GPATCH11: variants seen among roughly 807,000 people sequenced by gnomAD.
GPATCH11 encodes the protein G-patch domain containing 11, also known as G patch domain-containing protein 11.
In GPATCH11, 32 loss-of-function variants were observed where a neutral mutation model predicts 44.8. The observed-to-expected ratio is 0.71, with a 90% CI of 0.54 to 0.96. The LOEUF (loss-of-function observed/expected upper bound fraction) is 0.96, where lower values mean the gene tolerates loss of function less well. Among genes scored for constraint, GPATCH11 ranks in the 40% least tolerant of loss-of-function variants. The pLI, the probability that GPATCH11 is intolerant of heterozygous loss-of-function variation, is 0.00. For missense variants in GPATCH11, 324 were observed against 303.1 expected (o/e 1.07, Z -0.51); for synonymous variants, 84 against 94.4 (o/e 0.89, Z 0.64).
At chr2:37,095,566 A>G (rs570545186) in intron 8 of GPATCH11, 48 bp downstream of exon 8, 2 of 1,493,524 alleles carry the variant, frequency 1.3e-6, no homozygotes, top group East Asian at 2.5e-5. Context: ...ATGCTCTCCA[A>G]TTTTTAGTTA....
rs1367901231 is a variant in GPATCH11 at position 37,089,796 on chromosome 2, C to G, written c.216C>G (p.Gly72=). ...RRDIGLKNAL[G]CENKGFALLQ... is the part of the protein sequence containing the mutation. ...ACATTGGGTTGAAGAATGCACTAGG[C>G]TGTGAAAACAAAGGGTTTGCCTTGC... is the stretch of plus-strand genomic sequence containing the variant. Residue 72 remains glycine, a synonymous_variant, in exon 3 of 9, where the codon GGC becomes GGG. Coordinates refer to ENST00000674370, the MANE Select transcript of GPATCH11 (RefSeq NM_174931.4). 1.6e-5 allele frequency: 25 copies of G among 1,551,702 alleles called. No individual in the cohort carries two copies. The highest frequency in any genetic ancestry group is 4.4e-6 in the Non-Finnish European group (5 of 1,147,028).
At chr2:37,084,702 T>G (rs1192274257) in intron 1 of GPATCH11, 132 bp downstream of exon 1, 2 of 662,640 alleles carry the variant, frequency 3.0e-6, no homozygotes, top group African/African-American at 3.7e-5. Context: ...TGTGGGACGC[T>G]TGCAGCCAGG....
Position 37,094,335 on chromosome 2 carries a change from G to A in GPATCH11, c.654+140G>A, listed in dbSNP as rs950220234. On this transcript the variant is annotated intron_variant, in intron 7 of 8. Transcript: ENST00000674370. ...CAGCATCTCTGGCCCCTGCCCACCA[G>A]ATACCAGTTGCACTTTTGCTTATGA... 1.4e-5 allele frequency: 8 copies of A among 581,130 alleles called. No homozygotes were observed. The African/African-American group carries it at 1.5e-4, about 11-fold the overall frequency. The allele number at this position is 581,130 out of a possible 1,614,324, so 36.0% of individuals were successfully genotyped here. A position where few individuals can be genotyped will look rare whatever the true frequency, so the allele number is the denominator to read the frequency against.
At chr2:37,091,336 A>C (rs1468375266) in intron 4 of GPATCH11, among the ~76,000 whole-genome samples, 2 of 151,974 alleles carry the variant, frequency 1.3e-5, no homozygotes, top group East Asian at 3.9e-4. Context: ...AGGAAAAAAA[A>C]AAAAAAGCAG....
rs1168471901 is a variant in GPATCH11 at position 37,098,888 on chromosome 2, A to G, written c.*2625A>G. 1 of 152,214 alleles carries G rather than the reference A, an allele frequency of 6.6e-6. No homozygotes were observed. The highest frequency in any genetic ancestry group is 1.5e-5 in the Non-Finnish European group (1 of 68,038). The allele number at this position is 152,214 out of a possible 1,614,324, so 9.4% of individuals were successfully genotyped here. ...TAGTGAGAGACCTCCATCTTAAGGG[A>G]ATAAAAAAAAAATCAGACTTTCAAT... is the stretch of plus-strand genomic sequence containing the variant. On this transcript the variant is annotated 3_prime_UTR_variant, in exon 9 of 9. Coordinates refer to ENST00000674370, the MANE Select transcript of GPATCH11 (RefSeq NM_174931.4).
At chr2:37,094,038 C>T (rs1673453579) in intron 6 of GPATCH11, 44 bp from the exon 7 acceptor site, 1 of 1,087,996 alleles carries the variant, frequency 9.2e-7, no homozygotes. Flanking sequence ...TTGTCATGCT[C>T]TTATGTTTAG....
intron 1 of GPATCH11, among the ~76,000 whole-genome samples, chr2:37,084,800 T>A (rs980603392): frequency 2.6e-5 from 4 of 152,214 alleles, no homozygotes; most frequent in Admixed American, 2.6e-4. Context: ...GTAGGTCCAT[T>A]TCTCCACTTG....
At chr2:37,092,622 T>A (rs1037449721) in intron 6 of GPATCH11, among the ~76,000 whole-genome samples, 1 of 150,640 alleles carries the variant, frequency 6.6e-6, no homozygotes, top group African/African-American at 2.4e-5. Context: ...ACCTGAGTTG[T>A]CTGGGTTACT....
rs755153843 is a variant in GPATCH11 at position 37,096,195 on chromosome 2, A to C, written c.737-13A>C. 6.6e-7 allele frequency: 1 copy of C among 1,521,914 alleles called. No individual in the cohort carries two copies. The highest frequency in any genetic ancestry group is 2.0e-5 in the Admixed American group (1 of 50,408). The allele number at this position is 1,521,914 out of a possible 1,614,324, so 94.3% of individuals were successfully genotyped here. A position where few individuals can be genotyped will look rare whatever the true frequency, so the allele number is the denominator to read the frequency against. On this transcript the variant is annotated splice_polypyrimidine_tract_variant and intron_variant, in intron 8 of 8. Coordinates refer to ENST00000674370, the MANE Select transcript of GPATCH11 (RefSeq NM_174931.4). ...GTTGTATTAATCTTTCATTTCCCTC[A>C]CATAACTTACAGATAAAGAAGACCT...
chr2:37,092,278 G>A (rs778823046), intron 6 of GPATCH11, 23 bp downstream of exon 6: 1 of 1,297,194 alleles, frequency 7.7e-7, no homozygotes, highest in Non-Finnish European at 1.0e-6. Flanking sequence ...CCAGCTTTCA[G>A]TTTAGTAAAG....
At chr2:37,093,999 A>C (rs1213141364) in intron 6 of GPATCH11, 83 bp from the exon 7 acceptor site, 1 of 895,428 alleles carries the variant, frequency 1.1e-6, no homozygotes, top group Non-Finnish European at 1.8e-6. Flanking sequence ...ACGTATTGAA[A>C]GAATGAATTC....
Position 37,090,735 on chromosome 2 carries a change from T to A in GPATCH11, c.328+13T>A, listed in dbSNP as rs893583660. 1.1e-5 allele frequency: 14 copies of A among 1,294,028 alleles called. No homozygotes were observed. Among genetic ancestry groups the A allele is most frequent in the Non-Finnish European group, 1.5e-5 (14 of 919,768 alleles). 80.2% of individuals were successfully genotyped at this position (1,294,028 alleles called of 1,614,324 possible). ...AATATCAAAACAGGTACGTAATTAT[T>A]TTGGAGCATATTTGCCAATAATAAT... On this transcript the variant is annotated intron_variant, in intron 4 of 8. Transcript: ENST00000674370.
At position 37,092,020 on chromosome 2, in the gene GPATCH11, G is replaced by C. The variant is rs1457697359; in HGVS notation, c.433G>C (p.Ala145Pro). The C allele has an allele frequency of 1.9e-6, 3 of 1,612,842 alleles. No homozygotes were observed. The highest frequency in any genetic ancestry group is 2.5e-6 in the Non-Finnish European group (3 of 1,179,270). Residue 145 changes from alanine to proline, a missense_variant, in exon 5 of 9, where the codon GCT (alanine) becomes CCT (proline). Physicochemically the swap from Ala to Pro is conservative, Grantham distance 27. Transcript: ENST00000674370. ...IHMKNQAEEK[A>P]AEQFRMRLKN... ...CATGAAAAACCAAGCTGAAGAAAAA[G>C]CTGCAGAACAGTTTCGGTAAAACTA... is the stretch of plus-strand genomic sequence containing the variant.
At chr2:37,088,540 G>C (rs1673156631) in intron 2 of GPATCH11, 100 bp downstream of exon 2, 5 of 657,636 alleles carry the variant, frequency 7.6e-6, no homozygotes, top group Non-Finnish European at 1.3e-5. Flanking sequence ...TTTTGAGACA[G>C]GGTCTCATTC....
chr2:37,093,483 G>A (rs947966914), intron 6 of GPATCH11, among the ~76,000 whole-genome samples: 11 of 152,024 alleles, frequency 7.2e-5, no homozygotes, highest in Admixed American at 6.6e-4. Context: ...TCACTTTCCT[G>A]TTCTTACATA....
At chr2:37,093,020 C>T (rs1480806973) in intron 6 of GPATCH11, among the ~76,000 whole-genome samples, 1 of 152,066 alleles carries the variant, frequency 6.6e-6, no homozygotes. Flanking sequence ...GTGGCACACA[C>T]CTGTAGTCCT....
At position 37,097,597 on chromosome 2, in the gene GPATCH11, T is replaced by C. The variant is rs1360336612; in HGVS notation, c.*1334T>C. On this transcript the variant is annotated 3_prime_UTR_variant, in exon 9 of 9. Transcript: ENST00000674370. ...GATAGAGTTGTGATCACCTGTGTGA[T>C]TTTATAGCTCACCTGTTAGTTAGAT... is the stretch of plus-strand genomic sequence containing the variant. The C allele has an allele frequency of 2.6e-5, 4 of 152,220 alleles. No individual in the cohort carries two copies. 9.4% of individuals were successfully genotyped at this position (152,220 alleles called of 1,614,324 possible).
At chr2:37,086,632 C>T (rs1673064653) in intron 1 of GPATCH11, among the ~76,000 whole-genome samples, 2 of 152,104 alleles carry the variant, frequency 1.3e-5, no homozygotes, top group Admixed American at 1.3e-4. Context: ...AACCCTGTCT[C>T]TATTAAAAAC....
chr2:37,092,570 T>A (rs1673389859), intron 6 of GPATCH11, among the ~76,000 whole-genome samples: 1 of 149,282 alleles, frequency 6.7e-6, no homozygotes, highest in South Asian at 2.1e-4. Flanking sequence ...ACTTCTGATC[T>A]GTGACAATTG....
Sources: allele counts gnomAD v4.1 joint callset (sites outside exome capture counted in the v4.1 genomes callset), GRCh38; gene constraint gnomAD v4.1.1; transcripts MANE v1.5; gene names NCBI Gene and HGNC (gene_info 2026-07-23, HGNC 2026-07-21).